The following CDYL variants were observed in gnomAD, a reference collection of about 807,000 sequenced individuals.
CDYL encodes the protein chromodomain Y-like protein.
In CDYL, 8 loss-of-function variants were observed where a neutral mutation model predicts 47.3. That is an observed-to-expected ratio of 0.17 (90% CI 0.10 to 0.31). The LOEUF (loss-of-function observed/expected upper bound fraction) is 0.31, where lower values mean the gene tolerates loss of function less well. CDYL is among the 10% of genes least tolerant of loss of function. CDYL has a pLI of 1.00. For synonymous variants in CDYL, 266 were observed against 265.0 expected (o/e 1.00, Z -0.04); for missense variants, 471 against 701.4 (o/e 0.67, Z 3.71).
chr6:4,810,179 C>T (rs928520338), intron 1 of CDYL, among the ~76,000 whole-genome samples: 2 of 152,114 alleles, frequency 1.3e-5, no homozygotes, highest in Non-Finnish European at 2.9e-5. Flanking sequence ...TGACATAATG[C>T]ATAGTTGTCT....
chr6:4,822,406 A>C (rs992655816), intron 1 of CDYL, among the ~76,000 whole-genome samples: 1 of 151,758 alleles, frequency 6.6e-6, no homozygotes, highest in Non-Finnish European at 1.5e-5. Flanking sequence ...CAAAGCTACA[A>C]ATTTAATCTG....
At chr6:4,785,786 A>G (rs958381912) in intron 1 of CDYL, among the ~76,000 whole-genome samples, 3 of 152,228 alleles carry the variant, frequency 2.0e-5, no homozygotes, top group Non-Finnish European at 4.4e-5. Context: ...TGGCACCTTT[A>G]GCATGTTAGA....
At chr6:4,911,267 G>A (rs896127383) in intron 2 of CDYL, among the ~76,000 whole-genome samples, 1 of 152,244 alleles carries the variant, frequency 6.6e-6, no homozygotes, top group African/African-American at 2.4e-5. Context: ...TCCAGGGTAT[G>A]CATGCCGTGG....
intron 3 of CDYL, among the ~76,000 whole-genome samples, chr6:4,758,571 G>A (rs1561838689): frequency 6.6e-6 from 1 of 151,700 alleles, no homozygotes; most frequent in Non-Finnish European, 1.5e-5. Flanking sequence ...GCTGAGGCAC[G>A]AGAATCGCTT....
At chr6:4,807,877 G>A (rs992038348) in intron 1 of CDYL, among the ~76,000 whole-genome samples, 13 of 151,848 alleles carry the variant, frequency 8.6e-5, no homozygotes, top group African/African-American at 3.1e-4. Flanking sequence ...AAAATGCTGG[G>A]ATTACAGGCA....
At chr6:4,739,685 G>A (rs1757762826) in intron 3 of CDYL, among the ~76,000 whole-genome samples, 1 of 152,122 alleles carries the variant, frequency 6.6e-6, no homozygotes, top group Non-Finnish European at 1.5e-5. Flanking sequence ...CGGGCGTGGT[G>A]GCTCACACCT....
intron 1 of CDYL, among the ~76,000 whole-genome samples, chr6:4,777,667 C>G (rs889219741): frequency 2.0e-4 from 30 of 152,208 alleles, no homozygotes; most frequent in Non-Finnish European, 2.9e-5. Context: ...TGCGAAGACT[C>G]TCTAGACTCA....
chr6:4,777,179 T>G (rs1758490597), intron 1 of CDYL, among the ~76,000 whole-genome samples: 1 of 150,100 alleles, frequency 6.7e-6, no homozygotes, highest in African/African-American at 2.5e-5. Context: ...GTGGGGGGGT[T>G]TCTGGATCAT....
At chr6:4,926,292 G>A (rs1486641060) in intron 2 of CDYL, among the ~76,000 whole-genome samples, 1 of 152,156 alleles carries the variant, frequency 6.6e-6, no homozygotes, top group African/African-American at 2.4e-5. Flanking sequence ...TTTTGTATAG[G>A]TGAATAGGAT....
At chr6:4,801,259 T>C (rs1424154799) in intron 1 of CDYL, among the ~76,000 whole-genome samples, 1 of 152,256 alleles carries the variant, frequency 6.6e-6, no homozygotes, top group African/African-American at 2.4e-5. Context: ...TGTTCACTTA[T>C]TGATACCATA....
intron 1 of CDYL, among the ~76,000 whole-genome samples, chr6:4,824,493 T>C (rs766342901): frequency 7.2e-5 from 11 of 152,248 alleles, no homozygotes; most frequent in Non-Finnish European, 7.3e-5. Flanking sequence ...GAGCATCACT[T>C]GATATGCTTA....
At chr6:4,812,721 T>TC (rs1199123928) in intron 1 of CDYL, among the ~76,000 whole-genome samples, 1 of 148,102 alleles carries the variant, frequency 6.8e-6, no homozygotes, top group Non-Finnish European at 1.5e-5. Flanking sequence ...CTAGTAGGGA[T>TC]TTTTTTTTTT....
intron 1 of CDYL, among the ~76,000 whole-genome samples, chr6:4,821,706 A>G (rs1759843161): frequency 6.6e-6 from 1 of 151,130 alleles, no homozygotes; most frequent in Non-Finnish European, 1.5e-5. Flanking sequence ...ACTGTACTCC[A>G]GCCTGGGCTC....
chr6:4,715,673 A>G, intron 1 of CDYL: 1 of 1,438,844 alleles, frequency 7.0e-7, no homozygotes, highest in East Asian at 2.4e-5. Context: ...AAGTCATTAA[A>G]TGCCATGAGC....
At chr6:4,841,723 G>C (rs1760495639) in intron 1 of CDYL, among the ~76,000 whole-genome samples, 1 of 151,828 alleles carries the variant, frequency 6.6e-6, no homozygotes, top group Admixed American at 6.6e-5. Context: ...TTTTGGAGTT[G>C]ATTTCCAATT....
At chr6:4,868,465 CTCTTG>C (rs1033362827) in intron 1 of CDYL, among the ~76,000 whole-genome samples, 4 of 151,670 alleles carry the variant, frequency 2.6e-5, no homozygotes, top group African/African-American at 9.7e-5. Context: ...ACACAATTTT[CTCTTG>C]TCTTTAGCTT....
At chr6:4,874,722 A>G (rs535123665) in intron 1 of CDYL, among the ~76,000 whole-genome samples, 2 of 152,342 alleles carry the variant, frequency 1.3e-5, no homozygotes, top group South Asian at 2.1e-4. Context: ...CTGGGCTCCC[A>G]TCGCCCCATC....
intron 2 of CDYL, among the ~76,000 whole-genome samples, chr6:4,929,530 A>G (rs1281328738): frequency 6.6e-6 from 1 of 151,708 alleles, no homozygotes; most frequent in Non-Finnish European, 1.5e-5. Flanking sequence ...ACACACATAC[A>G]TACACACCCC....
At chr6:4,896,196 T>C (rs368236216) in intron 2 of CDYL, among the ~76,000 whole-genome samples, 2 of 152,318 alleles carry the variant, frequency 1.3e-5, no homozygotes, top group East Asian at 3.9e-4. Flanking sequence ...GGCTTGCAGA[T>C]TAACGAGGAG....
Sources: allele counts gnomAD v4.1 joint callset (sites outside exome capture counted in the v4.1 genomes callset), GRCh38; gene constraint gnomAD v4.1.1; transcripts MANE v1.5; gene names NCBI Gene and HGNC (gene_info 2026-07-23, HGNC 2026-07-21).